The following SLC14A2 variants were observed in gnomAD, a reference collection of about 807,000 sequenced individuals.
SLC14A2 encodes solute carrier family 14 member 2.
In SLC14A2, 91 loss-of-function variants were observed where a neutral mutation model predicts 104.6. The ratio of observed to expected loss-of-function variants is 0.87; its 90% CI spans 0.73 to 1.04. The LOEUF is 1.04. SLC14A2 is among the 50% of genes least tolerant of loss of function. SLC14A2 has a pLI of 0.00. For missense variants in SLC14A2, 1,189 were observed against 1,156.0 expected, an observed-to-expected ratio of 1.03 and a Z score of -0.41; for synonymous variants, 476 against 466.4, an observed-to-expected ratio of 1.02 and a Z score of -0.27.
intron 1 of SLC14A2, among the ~76,000 whole-genome samples, chr18:45,253,496 C>G (rs1011742638): frequency 6.7e-6 from 1 of 148,908 alleles, no homozygotes; most frequent in African/African-American, 2.5e-5. Context: ...ACATTCATTA[C>G]AACTTTAAAA....
At chr18:45,354,170 C>A (rs1197486316) in intron 1 of SLC14A2, among the ~76,000 whole-genome samples, 3 of 152,192 alleles carry the variant, frequency 2.0e-5, no homozygotes, top group Non-Finnish European at 2.9e-5. Flanking sequence ...ATTACCTACA[C>A]TATAACCAGT....
At chr18:45,605,905 A>T (rs2044859815) in intron 2 of SLC14A2, among the ~76,000 whole-genome samples, 1 of 152,176 alleles carries the variant, frequency 6.6e-6, no homozygotes, top group South Asian at 2.1e-4. Flanking sequence ...TTTTCCAGGT[A>T]CATTTATCTT....
At chr18:45,384,432 G>C in intron 1 of SLC14A2, among the ~76,000 whole-genome samples, 1 of 152,170 alleles carries the variant, frequency 6.6e-6, no homozygotes, top group East Asian at 1.9e-4. Context: ...CTGGCTCTAA[G>C]ATTTTCTTTG....
intron 2 of SLC14A2, among the ~76,000 whole-genome samples, chr18:45,537,072 T>G (rs1365531834): frequency 9.5e-6 from 1 of 105,216 alleles, no homozygotes; most frequent in African/African-American, 3.8e-5. Context: ...CCTCCCTTCC[T>G]TCCTTCCTTC....
chr18:45,619,704 C>T (rs1345975306), intron 1 of SLC14A2, among the ~76,000 whole-genome samples: 2 of 152,092 alleles, frequency 1.3e-5, no homozygotes, highest in African/African-American at 2.4e-5. Context: ...TCAGCCCGGA[C>T]GTGGCTCGGG....
At chr18:45,580,744 G>A (rs1280204732) in intron 2 of SLC14A2, among the ~76,000 whole-genome samples, 1 of 152,160 alleles carries the variant, frequency 6.6e-6, no homozygotes, top group African/African-American at 2.4e-5. Flanking sequence ...ACCTGCTCAA[G>A]GTCACAGAAC....
intron 2 of SLC14A2, among the ~76,000 whole-genome samples, chr18:45,557,375 C>G (rs1295245086): frequency 6.6e-6 from 1 of 152,250 alleles, no homozygotes; most frequent in Non-Finnish European, 1.5e-5. Context: ...CAGTGCCTAA[C>G]ATGCTCAAGC....
At chr18:45,657,980 C>A (rs936588747) in intron 10 of SLC14A2, among the ~76,000 whole-genome samples, 1 of 152,068 alleles carries the variant, frequency 6.6e-6, no homozygotes, top group Non-Finnish European at 1.5e-5. Flanking sequence ...TGTGGAGAAA[C>A]ATTGTCCAAA....
intron 10 of SLC14A2, among the ~76,000 whole-genome samples, chr18:45,662,518 T>C (rs909711044): frequency 6.6e-6 from 1 of 152,148 alleles, no homozygotes; most frequent in Admixed American, 6.5e-5. Flanking sequence ...GGGTAGGGCC[T>C]GAGATTCTGA....
intron 1 of SLC14A2, among the ~76,000 whole-genome samples, chr18:45,402,264 T>C (rs2086104559): frequency 1.3e-5 from 2 of 152,166 alleles, no homozygotes; most frequent in Non-Finnish European, 2.9e-5. Context: ...AGTTTCTCTT[T>C]GTAATTGTCT....
chr18:45,531,799 G>A (rs2144833828), intron 2 of SLC14A2, among the ~76,000 whole-genome samples: 1 of 152,200 alleles, frequency 6.6e-6, no homozygotes, highest in African/African-American at 2.4e-5. Context: ...GAATGGTAAT[G>A]CCTAGGTTTT....
At chr18:45,451,085 T>C (rs915350013) in intron 1 of SLC14A2, among the ~76,000 whole-genome samples, 5 of 152,184 alleles carry the variant, frequency 3.3e-5, no homozygotes, top group African/African-American at 4.8e-5. Context: ...GCCTGCCATA[T>C]ATAAAAACAG....
In SLC14A2 at chr18:45,535,717, G is replaced by A. The variant is rs543847809; in HGVS notation, c.-35+52395G>A. The stretch of plus-strand genomic sequence containing the variant: ...GGACACAAAATGAAAAAGCTTCATG[G>A]TTCTTAATCTTTCGGGGTCACTTTT... On this transcript the variant is annotated intron_variant, in intron 2 of 20. Transcript: ENST00000586448. Among the ~76,000 whole-genome samples the A allele has an allele frequency of 2.0e-5, 3 of 152,280 alleles. No individual in the cohort carries two copies. In the South Asian group the frequency reaches 6.2e-4, roughly 32 times the overall value.
chr18:45,682,861 G>A lies in SLC14A2; in HGVS notation c.*342G>A, dbSNP rs536432890. Reference sequence around the variant, plus strand: ...TGTAATCCCAGCACTTTGGGAGGCCGAGGCGGGTGGATCACGAGGTCAGGA... The same window carrying A: ...TGTAATCCCAGCACTTTGGGAGGCCAAGGCGGGTGGATCACGAGGTCAGGA... On this transcript the variant is annotated 3_prime_UTR_variant, in exon 20 of 20. Coordinates refer to ENST00000255226, the MANE Select transcript of SLC14A2 (RefSeq NM_007163.4). 2.0e-5 allele frequency: 5 copies of A among 254,140 alleles called. No individual in the cohort carries two copies. Among genetic ancestry groups the A allele is most frequent in the South Asian group, 1.5e-4 (3 of 20,178 alleles). The allele number at this position is 254,140 out of a possible 1,614,324, so 15.7% of individuals were successfully genotyped here.
intron 1 of SLC14A2, among the ~76,000 whole-genome samples, chr18:45,332,207 C>T (rs2085297297): frequency 6.6e-6 from 1 of 151,946 alleles, no homozygotes; most frequent in South Asian, 2.1e-4. Context: ...TACAGTTGGC[C>T]CTCTGTATCT....
intron 2 of SLC14A2, among the ~76,000 whole-genome samples, chr18:45,609,365 T>G (rs981072165): frequency 2.7e-5 from 3 of 109,448 alleles, no homozygotes; most frequent in Non-Finnish European, 3.9e-5. Context: ...CAATCATAAC[T>G]ACATTATTTC....
In SLC14A2 at chr18:45,342,546, TGAG is replaced by T. The variant is rs551924294; in HGVS notation, c.-125+129360_-125+129362del. Among the ~76,000 whole-genome samples, 240 of 152,312 alleles carry T rather than the reference TGAG, an allele frequency of 1.6e-3. 2 individuals carry two copies. Among genetic ancestry groups the T allele is most frequent in the Middle Eastern group, 0.01 (3 of 294 alleles). ...AAGGGTTATGGTCAGACTGATATTT[TGAG>T]GAGGTCATTTTTGCTGAAATGTGGA... On this transcript the variant is annotated intron_variant, in intron 1 of 20. Transcript: ENST00000586448.
intron 1 of SLC14A2, among the ~76,000 whole-genome samples, chr18:45,473,864 C>G (rs942006113): frequency 2.0e-5 from 3 of 152,120 alleles, no homozygotes; most frequent in Admixed American, 2.0e-4. Context: ...TTTGAATATC[C>G]TTTATTTTTT....
intron 1 of SLC14A2, among the ~76,000 whole-genome samples, chr18:45,253,837 ATAGT>A (rs1292629001): frequency 6.6e-6 from 1 of 152,214 alleles, no homozygotes; most frequent in Non-Finnish European, 1.5e-5. Flanking sequence ...ATAGAAAATA[ATAGT>A]TTGTTTTGTT....
Sources: gnomAD v4.1 joint callset for allele counts (sites outside exome capture counted in the v4.1 genomes callset) on GRCh38, gnomAD v4.1.1 for gene constraint, MANE v1.5 for transcripts, NCBI Gene and HGNC (gene_info 2026-07-23, HGNC 2026-07-21) for gene names.